EXT1: variants seen among roughly 807,000 people sequenced by gnomAD.
EXT1 encodes the protein exostosin-1.
In EXT1, 20 loss-of-function variants were observed where a neutral mutation model predicts 82.5. That is an observed-to-expected ratio of 0.24 (90% CI 0.17 to 0.35). The LOEUF is 0.35. Among genes scored for constraint, EXT1 ranks in the 10% least tolerant of loss-of-function variants. The pLI is 1.00. For missense variants in EXT1, 757 were observed against 936.5 expected (o/e 0.81, Z 2.50); for synonymous variants, 348 against 350.8 (o/e 0.99, Z 0.09).
intron 1 of EXT1, among the ~76,000 whole-genome samples, chr8:118,067,535 A>C (rs1817014152): frequency 6.6e-6 from 1 of 152,236 alleles, no homozygotes; most frequent in East Asian, 1.9e-4. Flanking sequence ...AACAGAGCCT[A>C]GCTTTAAACT....
chr8:117,991,231 C>T (rs1216129138), intron 1 of EXT1, among the ~76,000 whole-genome samples: 1 of 152,000 alleles, frequency 6.6e-6, no homozygotes, highest in Admixed American at 6.6e-5. Flanking sequence ...GTGTCTCAGC[C>T]TCCCAAGTAG....
At chr8:117,960,525 C>T (rs979448001) in intron 1 of EXT1, among the ~76,000 whole-genome samples, 3 of 152,248 alleles carry the variant, frequency 2.0e-5, no homozygotes, top group Non-Finnish European at 2.9e-5. Context: ...GATAGAGAAA[C>T]AAATCAGGTA....
At chr8:118,104,161 C>T (rs949731050) in intron 1 of EXT1, among the ~76,000 whole-genome samples, 1 of 152,358 alleles carries the variant, frequency 6.6e-6, no homozygotes, top group Admixed American at 6.5e-5. Context: ...TATAACCTAA[C>T]TCACACTGTT....
chr8:118,065,999 C>T (rs1470709095), intron 1 of EXT1, among the ~76,000 whole-genome samples: 3 of 152,160 alleles, frequency 2.0e-5, no homozygotes, highest in African/African-American at 4.8e-5. Flanking sequence ...ATTCCAGTTC[C>T]AATAAGGTTA....
At chr8:117,932,743 C>G (rs917950408) in intron 1 of EXT1, among the ~76,000 whole-genome samples, 17 of 152,120 alleles carry the variant, frequency 1.1e-4, no homozygotes, top group Admixed American at 1.1e-3. Context: ...CTAGTTTCAT[C>G]GAGATGACCC....
At chr8:117,864,748 CAA>C (rs34215192) in intron 1 of EXT1, among the ~76,000 whole-genome samples, 15,718 of 87,616 alleles carry the variant, frequency 0.18, 862 homozygotes, top group East Asian at 0.46. Flanking sequence ...GACTCTGCCT[CAA>C]AAAAAAAAAA....
At chr8:117,906,022 A>G (rs563433099) in intron 1 of EXT1, among the ~76,000 whole-genome samples, 2 of 152,172 alleles carry the variant, frequency 1.3e-5, no homozygotes, top group African/African-American at 2.4e-5. Context: ...AAAAGGCTAC[A>G]CTTCCTGCTA....
rs1159949226 is a variant in EXT1, at chr8:118,096,636, A to G, written c.962+13449T>C. On this transcript the variant is annotated intron_variant, in intron 1 of 10. Transcript: ENST00000378204. ...GGAAGGAAGGAGGAAGGAAGGAAGG[A>G]AGGAAGGAAGGAAGGAAGGAAGGAA... is the stretch of plus-strand genomic sequence containing the variant. Among the ~76,000 whole-genome samples, 65 of 16,722 alleles carry G rather than the reference A, an allele frequency of 3.9e-3. 2 individuals are homozygous for G. In the East Asian group the frequency reaches 0.081, roughly 21 times the overall value. The allele number at this position is 16,722 out of a possible 152,430, so 11.0% of individuals were successfully genotyped here.
intron 1 of EXT1, among the ~76,000 whole-genome samples, chr8:117,935,296 G>C (rs1814137405): frequency 6.7e-6 from 1 of 149,394 alleles, no homozygotes; most frequent in Non-Finnish European, 1.5e-5. Context: ...CCCAAATCCA[G>C]AAAATCCTGG....
At chr8:117,873,600 T>C (rs970345756) in intron 1 of EXT1, among the ~76,000 whole-genome samples, 7 of 151,794 alleles carry the variant, frequency 4.6e-5, no homozygotes, top group African/African-American at 1.7e-4. Context: ...GGATTACAGG[T>C]GCATGCCACC....
At chr8:118,035,328 A>G (rs1404565457) in intron 1 of EXT1, among the ~76,000 whole-genome samples, 1 of 152,140 alleles carries the variant, frequency 6.6e-6, no homozygotes, top group Non-Finnish European at 1.5e-5. Flanking sequence ...CAAGGTCTGA[A>G]GCCACCGGAA....
At chr8:117,936,360 A>G (rs1814162732) in intron 1 of EXT1, among the ~76,000 whole-genome samples, 1 of 152,212 alleles carries the variant, frequency 6.6e-6, no homozygotes. Flanking sequence ...ATAAATTTCC[A>G]TTGGTTAAGA....
intron 1 of EXT1, among the ~76,000 whole-genome samples, chr8:118,073,650 AAGAGAAGAGAAGAGAAG>A (rs957166634): frequency 2.4e-5 from 3 of 126,618 alleles, no homozygotes; most frequent in South Asian, 5.4e-4. Context: ...AAGAGAAGAG[AAGAGAAGAGAAGAGAAG>A]AGAAGAGAAG....
intron 1 of EXT1, among the ~76,000 whole-genome samples, chr8:117,959,114 A>G (rs1464673942): frequency 6.6e-6 from 1 of 152,222 alleles, no homozygotes; most frequent in Non-Finnish European, 1.5e-5. Flanking sequence ...GACCTGAGAA[A>G]TTCCAACAGG....
chr8:117,925,051 A>C (rs1352519946), intron 1 of EXT1, among the ~76,000 whole-genome samples: 1 of 152,206 alleles, frequency 6.6e-6, no homozygotes, highest in Non-Finnish European at 1.5e-5. Flanking sequence ...ATTCCAAAAC[A>C]TAGAACTGTA....
At chr8:117,806,662 GTC>G (rs1823243387) in intron 9 of EXT1, among the ~76,000 whole-genome samples, 1 of 152,058 alleles carries the variant, frequency 6.6e-6, no homozygotes, top group East Asian at 1.9e-4. Context: ...TGTCCTTCAA[GTC>G]TCTGCTCAAA....
chr8:118,064,218 T>C (rs981119454), intron 1 of EXT1, among the ~76,000 whole-genome samples: 2 of 152,118 alleles, frequency 1.3e-5, no homozygotes, highest in Admixed American at 1.3e-4. Context: ...CTAGGATACA[T>C]GTGCAGAATG....
chr8:118,059,927 G>T (rs1049946718), intron 1 of EXT1, among the ~76,000 whole-genome samples: 23 of 152,148 alleles, frequency 1.5e-4, no homozygotes, highest in Non-Finnish European at 3.1e-4. Context: ...CCATGCAGGT[G>T]AACACAGGGA....
At chr8:118,028,641 G>A (rs1039950481) in intron 1 of EXT1, among the ~76,000 whole-genome samples, 3 of 151,846 alleles carry the variant, frequency 2.0e-5, no homozygotes, top group Non-Finnish European at 2.9e-5. Flanking sequence ...TAAAAAAAAA[G>A]TAAGCCAGCC....
Sources: allele counts gnomAD v4.1 joint callset (sites outside exome capture counted in the v4.1 genomes callset), GRCh38; gene constraint gnomAD v4.1.1; transcripts MANE v1.5; gene names NCBI Gene and HGNC (gene_info 2026-07-23, HGNC 2026-07-21).